Variants in NEK7 observed in about 807,000 individuals in gnomAD.
The protein encoded by NEK7 is NIMA related kinase 7, also known as serine/threonine-protein kinase Nek7.
Under a neutral mutation model 44.6 loss-of-function variants are expected in NEK7, and 18 were observed. The ratio of observed to expected loss-of-function variants is 0.40; its 90% confidence interval spans 0.28 to 0.60. NEK7 has a LOEUF of 0.60. Among genes scored for constraint, NEK7 ranks in the 20% least tolerant of loss-of-function variants. The pLI is 0.38. For synonymous variants in NEK7, 130 were observed against 121.1 expected (o/e 1.07, Z -0.48); for missense variants, 256 against 366.5 (o/e 0.70, Z 2.46).
intron 1 of NEK7, among the ~76,000 whole-genome samples, chr1:198,194,312 T>C (rs1463508104): frequency 6.6e-6 from 1 of 151,566 alleles, no homozygotes; most frequent in Non-Finnish European, 1.5e-5. Flanking sequence ...TTTTTTTTTT[T>C]AAGTTCGGGG....
At chr1:198,283,420 G>A (rs764548755) in intron 7 of NEK7, among the ~76,000 whole-genome samples, 23 of 152,054 alleles carry the variant, frequency 1.5e-4, no homozygotes, top group Non-Finnish European at 2.9e-4. Flanking sequence ...TTAGCCCATA[G>A]AGCAGAATGT....
intron 1 of NEK7, among the ~76,000 whole-genome samples, chr1:198,196,512 CAG>C (rs1212187381): frequency 3.9e-5 from 6 of 152,170 alleles, no homozygotes; most frequent in African/African-American, 1.4e-4. Context: ...TAAGTAGTAA[CAG>C]TGGCAAAACT....
In NEK7 at chr1:198,295,009, CAATG is replaced by C. The variant is rs535353615; in HGVS notation, c.684+1973_684+1976del. 2.7e-5 allele frequency among the ~76,000 whole-genome samples: 4 copies of C among 150,194 alleles called. No individual in the cohort carries two copies. The South Asian group carries it at 8.4e-4, about 32-fold the overall frequency. On this transcript the variant is annotated intron_variant, in intron 8 of 9. Coordinates refer to ENST00000367385, the MANE Select transcript of NEK7 (RefSeq NM_133494.3). ...GTACCCACTAAAAAATTACTATTAA[CAATG>C]AAGACGTAGGAAGCCTTTTTTGAAA...
At chr1:198,179,486 A>G (rs771536721) in intron 1 of NEK7, among the ~76,000 whole-genome samples, 4 of 152,104 alleles carry the variant, frequency 2.6e-5, no homozygotes, top group Non-Finnish European at 5.9e-5. Flanking sequence ...AGATTCTTGA[A>G]CAGTAAGGTG....
chr1:198,269,250 C>G (rs916907257), intron 5 of NEK7, among the ~76,000 whole-genome samples: 4 of 152,210 alleles, frequency 2.6e-5, no homozygotes, highest in Admixed American at 2.0e-4. Flanking sequence ...TTACACTTCT[C>G]TGTTCCAGGG....
intron 1 of NEK7, among the ~76,000 whole-genome samples, chr1:198,220,533 G>A (rs1055909789): frequency 6.6e-6 from 1 of 152,058 alleles, no homozygotes; most frequent in African/African-American, 2.4e-5. Flanking sequence ...ACACAGAAAT[G>A]TTAAGAATGA....
At chr1:198,268,706 T>C (rs1222291237) in intron 5 of NEK7, among the ~76,000 whole-genome samples, 1 of 152,116 alleles carries the variant, frequency 6.6e-6, no homozygotes, top group Non-Finnish European at 1.5e-5. Context: ...CAGCAAGCCT[T>C]GTGTGATACA....
chr1:198,253,077 C>T lies in NEK7; in HGVS notation c.95C>T (p.Ala32Val). Residue 32 changes from alanine (A) to valine (V), a missense_variant, in exon 3 of 10, where the codon GCC (alanine) becomes GTC (valine). Ala to Val is a moderately conservative substitution (Grantham distance 64). This residue lies in a region of NEK7 where 96 missense variants were observed against 94.9 expected (regional missense o/e 1.01). Transcript: ENST00000367385. ...CCGGATATGGGCTATAATACATTAG[C>T]CAACTTTCGAATAGAAAAGAAAATT... is the stretch of plus-strand genomic sequence containing the variant. Reference protein sequence around the residue: ...LRPDMGYNTLANFRIEKKIGR... With the variant: ...LRPDMGYNTLVNFRIEKKIGR... The T allele has an allele frequency of 6.2e-7, 1 of 1,612,138 alleles. No homozygotes were observed. Among genetic ancestry groups the T allele is most frequent in the Non-Finnish European group, 8.5e-7 (1 of 1,178,758 alleles).
chr1:198,292,203 A>G (rs556176316), intron 7 of NEK7, among the ~76,000 whole-genome samples: 2 of 152,118 alleles, frequency 1.3e-5, no homozygotes, highest in African/African-American at 4.8e-5. Context: ...GCTTTTGTTT[A>G]TTTTCAAGTG....
intron 4 of NEK7, among the ~76,000 whole-genome samples, chr1:198,263,330 G>A (rs1415251035): frequency 2.0e-5 from 3 of 151,844 alleles, no homozygotes; most frequent in Non-Finnish European, 2.9e-5. Context: ...TGACTATTCT[G>A]TTAGTTGTAG....
chr1:198,317,161 T>C (rs563840087), intron 9 of NEK7, among the ~76,000 whole-genome samples: 1 of 152,246 alleles, frequency 6.6e-6, no homozygotes, highest in East Asian at 1.9e-4. Flanking sequence ...TCTGATTTTA[T>C]ATGGTGATAG....
chr1:198,263,756 A>G (rs1653556298), intron 4 of NEK7, among the ~76,000 whole-genome samples: 1 of 151,900 alleles, frequency 6.6e-6, no homozygotes, highest in Non-Finnish European at 1.5e-5. Flanking sequence ...TTTATTTATC[A>G]TTGAGTGTTC....
intron 4 of NEK7, among the ~76,000 whole-genome samples, chr1:198,263,444 A>G (rs1653546261): frequency 6.6e-6 from 1 of 151,930 alleles, no homozygotes. Flanking sequence ...TTAAGTAGAA[A>G]GAAGAAAGTC....
At chr1:198,225,221 A>T (rs865788068) in intron 1 of NEK7, among the ~76,000 whole-genome samples, 16 of 148,622 alleles carry the variant, frequency 1.1e-4, no homozygotes, top group African/African-American at 2.3e-4. Context: ...TTTAAAGGAC[A>T]TCATTCTGGA....
At chr1:198,267,306 A>T (rs1653684988) in intron 5 of NEK7, among the ~76,000 whole-genome samples, 1 of 147,118 alleles carries the variant, frequency 6.8e-6, no homozygotes, top group Admixed American at 7.0e-5. Context: ...CATTCATTCA[A>T]GAAACTTATT....
chr1:198,277,383 G>T (rs1352978880), intron 5 of NEK7, among the ~76,000 whole-genome samples: 1 of 151,772 alleles, frequency 6.6e-6, no homozygotes, highest in African/African-American at 2.4e-5. Context: ...TTCCTGTAAG[G>T]TTTTTCTTCC....
intron 1 of NEK7, among the ~76,000 whole-genome samples, chr1:198,181,418 C>T (rs1490797716): frequency 6.6e-6 from 1 of 152,056 alleles, no homozygotes; most frequent in Non-Finnish European, 1.5e-5. Context: ...TCAATGTATA[C>T]AGCATGACTT....
At position 198,275,980 on chromosome 1, in the gene NEK7, C is replaced by T. The variant is rs1654005855; in HGVS notation, c.373-1981C>T. Among the ~76,000 whole-genome samples, 3 of 151,722 alleles carry T rather than the reference C, an allele frequency of 2.0e-5. No homozygotes were observed. The South Asian group carries it at 6.2e-4, about 32-fold the overall frequency. The stretch of plus-strand genomic sequence containing the variant: ...CTTTATTTTGTGAAAAAGTCAAATT[C>T]ATGTCATTCTTTAAAGGCCTATAAC... On this transcript the variant is annotated intron_variant, in intron 5 of 9. Coordinates refer to ENST00000367385, the MANE Select transcript of NEK7 (RefSeq NM_133494.3).
chr1:198,274,667 A>T (rs1379526158), intron 5 of NEK7, among the ~76,000 whole-genome samples: 1 of 151,794 alleles, frequency 6.6e-6, no homozygotes, highest in East Asian at 1.9e-4. Flanking sequence ...TATAACTCAG[A>T]AATAAGCAGT....
Sources: gnomAD v4.1 joint callset for allele counts (sites outside exome capture counted in the v4.1 genomes callset) on GRCh38, gnomAD v4.1.1 for gene constraint, gnomAD v4.1.1 regional missense constraint, MANE v1.5 for transcripts, NCBI Gene and HGNC (gene_info 2026-07-23, HGNC 2026-07-21) for gene names.